Variants in GSG1L observed in about 807,000 individuals in gnomAD.
GSG1L encodes the protein GSG1 like, also known as germ cell-specific gene 1-like protein.
GSG1L carries 24 observed loss-of-function variants against 42.1 expected under a neutral mutation model. That is an observed-to-expected ratio of 0.57 (90% CI 0.41 to 0.80). The LOEUF (loss-of-function observed/expected upper bound fraction) is 0.80. Ranked by LOEUF, GSG1L falls within the 30% of genes least tolerant of loss-of-function variation. GSG1L has a pLI of 0.00. For missense variants in GSG1L, 445 were observed against 472.2 expected, an observed-to-expected ratio of 0.94 and a Z score of 0.53; for synonymous variants, 215 against 203.5, an observed-to-expected ratio of 1.06 and a Z score of -0.48.
chr16:28,005,023 A>G (rs529540197), intron 1 of GSG1L, among the ~76,000 whole-genome samples: 50 of 152,316 alleles, frequency 3.3e-4, no homozygotes, highest in African/African-American at 8.7e-4. Context: ...GACAGTTCCT[A>G]TCTCACAGCT....
intron 1 of GSG1L, among the ~76,000 whole-genome samples, chr16:27,975,468 C>T (rs555544516): frequency 7.9e-5 from 12 of 152,268 alleles, no homozygotes; most frequent in African/African-American, 2.4e-4. Flanking sequence ...ACCACCATCA[C>T]GCTCTGAAAT....
chr16:27,927,087 C>G (rs2084602245), intron 2 of GSG1L, among the ~76,000 whole-genome samples: 1 of 152,130 alleles, frequency 6.6e-6, no homozygotes, highest in African/African-American at 2.4e-5. Context: ...CCCATGTCCT[C>G]TCGAAGCCCC....
intron 6 of GSG1L, among the ~76,000 whole-genome samples, chr16:27,803,997 T>A (rs35366670): frequency 2.7e-5 from 4 of 150,070 alleles, no homozygotes; most frequent in South Asian, 2.1e-4. Context: ...GATTGACAGA[T>A]GAATAATAGA....
intron 1 of GSG1L, among the ~76,000 whole-genome samples, chr16:28,024,321 G>T (rs554085603): frequency 6.6e-6 from 1 of 152,170 alleles, no homozygotes; most frequent in South Asian, 2.1e-4. Flanking sequence ...AAATTAGCTC[G>T]AAATGGAATC....
intron 6 of GSG1L, among the ~76,000 whole-genome samples, chr16:27,803,796 G>GAT (rs879523842): frequency 0.16 from 11,431 of 73,042 alleles, 684 homozygotes; most frequent in Middle Eastern, 0.21. Context: ...TATATATATA[G>GAT]ATAGATAGAT....
intron 3 of GSG1L, among the ~76,000 whole-genome samples, chr16:27,859,820 T>G (rs570687341): frequency 1.9e-3 from 282 of 151,942 alleles, no homozygotes; most frequent in Non-Finnish European, 3.5e-3. Flanking sequence ...AGACCACAGG[T>G]GTGCACCACC....
At chr16:27,958,891 T>C (rs920595196) in intron 2 of GSG1L, among the ~76,000 whole-genome samples, 10 of 152,126 alleles carry the variant, frequency 6.6e-5, no homozygotes, top group Non-Finnish European at 1.3e-4. Flanking sequence ...GCCAGGCTGG[T>C]CTCAAATTCC....
intron 2 of GSG1L, among the ~76,000 whole-genome samples, chr16:27,904,934 AG>A (rs2084303241): frequency 6.6e-6 from 1 of 152,248 alleles, no homozygotes; most frequent in Non-Finnish European, 1.5e-5. Context: ...CGCAGCCGAC[AG>A]GTGGGAATAT....
chr16:28,049,954 G>T (rs189468797), intron 1 of GSG1L, among the ~76,000 whole-genome samples: 1 of 152,068 alleles, frequency 6.6e-6, no homozygotes, highest in Non-Finnish European at 1.5e-5. Context: ...ATTTATCTAC[G>T]GTTTAACTTA....
At chr16:27,930,934 TGTTATGTTGCCCAGGCTC>T (rs1233295152) in intron 2 of GSG1L, among the ~76,000 whole-genome samples, 3 of 152,046 alleles carry the variant, frequency 2.0e-5, no homozygotes, top group Non-Finnish European at 4.4e-5. Context: ...GATGGGGCCT[TGTTATGTTGCCCAGGCTC>T]ACAGCAAGAG....
At chr16:27,858,796 C>T (rs1476575045) in intron 3 of GSG1L, among the ~76,000 whole-genome samples, 2 of 152,134 alleles carry the variant, frequency 1.3e-5, no homozygotes, top group African/African-American at 4.8e-5. Context: ...TCTACAAAAA[C>T]AAATAAATAA....
Position 27,884,909 on chromosome 16 carries a change from C to T in GSG1L, c.398-271G>A, listed in dbSNP as rs1393707236. On this transcript the variant is annotated intron_variant, in intron 2 of 6. Transcript: ENST00000447459. The surrounding 1 kb of genome is among the most constrained non-coding windows in gnomAD (Gnocchi z 4.4). ...GCTGGACCAAGGGCTCCCTTTCTTT[C>T]TCATGGATTAGATGATCACCACTGA... Among the ~76,000 whole-genome samples the T allele has an allele frequency of 6.6e-6, 1 of 152,148 alleles. No individual in the cohort carries two copies. Among genetic ancestry groups the T allele is most frequent in the Non-Finnish European group, 1.5e-5 (1 of 68,024 alleles).
At chr16:27,993,696 C>A (rs2085479513) in intron 1 of GSG1L, among the ~76,000 whole-genome samples, 1 of 152,128 alleles carries the variant, frequency 6.6e-6, no homozygotes, top group Non-Finnish European at 1.5e-5. Flanking sequence ...TGAATTCTTT[C>A]AAGCAAAAGA....
intron 5 of GSG1L, among the ~76,000 whole-genome samples, chr16:27,825,949 T>C (rs1048364161): frequency 2.0e-5 from 3 of 152,164 alleles, no homozygotes; most frequent in African/African-American, 7.2e-5. Flanking sequence ...TAAACCTCTT[T>C]CTTTGATAAA....
intron 1 of GSG1L, among the ~76,000 whole-genome samples, chr16:27,990,230 C>A (rs2085440032): frequency 6.6e-6 from 1 of 151,834 alleles, no homozygotes; most frequent in Non-Finnish European, 1.5e-5. Flanking sequence ...AAATTTTTTT[C>A]TTTCTTTTGA....
chr16:27,995,449 G>A (rs564410374), intron 1 of GSG1L, among the ~76,000 whole-genome samples: 47 of 152,274 alleles, frequency 3.1e-4, no homozygotes, highest in African/African-American at 1.1e-3. Flanking sequence ...GGAACACCTC[G>A]ATGCTGTAAA....
At chr16:27,897,511 G>T (rs1476575483) in intron 2 of GSG1L, among the ~76,000 whole-genome samples, 1 of 152,032 alleles carries the variant, frequency 6.6e-6, no homozygotes, top group East Asian at 1.9e-4. Flanking sequence ...TATTGCCCAG[G>T]GTGGTCTCAA....
chr16:27,832,435 C>T (rs1366699336), intron 4 of GSG1L, among the ~76,000 whole-genome samples: 1 of 152,198 alleles, frequency 6.6e-6, no homozygotes, highest in Admixed American at 6.5e-5. Flanking sequence ...AATAATTTTA[C>T]CTCTTCAAGT....
intron 4 of GSG1L, among the ~76,000 whole-genome samples, chr16:27,839,057 TGCTGGAATACCA>T (rs1239717104): frequency 6.6e-6 from 1 of 152,316 alleles, no homozygotes; most frequent in East Asian, 1.9e-4. Context: ...GGGATTGGCC[TGCTGGAATACCA>T]GCTAACCCCT....
Sources: gnomAD v4.1 joint callset for allele counts (sites outside exome capture counted in the v4.1 genomes callset) on GRCh38, gnomAD v4.1.1 for gene constraint, Gnocchi (gnomAD v3.1) non-coding constraint, MANE v1.5 for transcripts, NCBI Gene and HGNC (gene_info 2026-07-23, HGNC 2026-07-21) for gene names.